SERPINB7: variants seen among roughly 807,000 people sequenced by gnomAD.
SERPINB7 encodes the protein serpin family B member 7.
In SERPINB7, 31 loss-of-function variants were observed where a neutral mutation model predicts 37.4. The ratio of observed to expected loss-of-function variants is 0.83; its 90% CI spans 0.62 to 1.12. SERPINB7 has a LOEUF of 1.12. SERPINB7 is among the 50% of genes most tolerant of loss of function. The pLI is 0.00. For synonymous variants in SERPINB7, 163 were observed against 166.1 expected, an observed-to-expected ratio of 0.98 and a Z score of 0.14; for missense variants, 521 against 455.3, an observed-to-expected ratio of 1.14 and a Z score of -1.31.
At chr18:63,759,101 G>A (rs1302598599) in intron 1 of SERPINB7, among the ~76,000 whole-genome samples, 2 of 152,108 alleles carry the variant, frequency 1.3e-5, no homozygotes, top group Non-Finnish European at 2.9e-5. Context: ...GCTATGAGTA[G>A]GCTTCATGGT....
rs1429139856 is a variant in SERPINB7, at chr18:63,804,466, C to G, written c.974C>G (p.Ser325Cys). 6.2e-7 allele frequency: 1 copy of G among 1,613,658 alleles called. No individual in the cohort carries two copies. Among genetic ancestry groups the G allele is most frequent in the Non-Finnish European group, 8.5e-7 (1 of 1,179,874 alleles). ...RLYISRMMHK[S>C]YIEVTEEGTE... ...TATATATCAAGGATGATGCACAAAT[C>G]TTACATAGAGGTCACTGAGGAGGGC... Residue 325 changes from serine to cysteine, a missense_variant, in exon 8 of 8, where the codon TCT becomes TGT. Ser to Cys is a moderately radical substitution (Grantham distance 112). Transcript: ENST00000398019.
At chr18:63,793,592 C>T (rs1373124546) in intron 4 of SERPINB7, among the ~76,000 whole-genome samples, 1 of 152,122 alleles carries the variant, frequency 6.6e-6, no homozygotes, top group African/African-American at 2.4e-5. Context: ...GCAGGAAACA[C>T]ATTCTGGGTT....
chr18:63,796,165 C>T (rs998498701), intron 4 of SERPINB7, 101 bp from the exon 5 acceptor site: 7 of 630,910 alleles, frequency 1.1e-5, no homozygotes, highest in African/African-American at 3.7e-5. Context: ...CAGAGTTGAA[C>T]CTTTGAATAA....
At chr18:63,776,571 T>C (rs572112847) in intron 1 of SERPINB7, among the ~76,000 whole-genome samples, 1 of 150,966 alleles carries the variant, frequency 6.6e-6, no homozygotes, top group African/African-American at 2.4e-5. Flanking sequence ...GAAACCTTCT[T>C]GTGTGCCTTA....
intron 1 of SERPINB7, among the ~76,000 whole-genome samples, chr18:63,758,842 C>T (rs2049136573): frequency 6.6e-6 from 1 of 152,244 alleles, no homozygotes; most frequent in Admixed American, 6.5e-5. Flanking sequence ...AGCATCCTCA[C>T]AGAGTCCAAG....
At chr18:63,780,501 G>T (rs1156434121) in intron 1 of SERPINB7, among the ~76,000 whole-genome samples, 1 of 152,006 alleles carries the variant, frequency 6.6e-6, no homozygotes, top group Non-Finnish European at 1.5e-5. Flanking sequence ...CTGCCAACTC[G>T]CATCCTGTAT....
chr18:63,793,092 A>T, intron 3 of SERPINB7, 69 bp from the exon 4 acceptor site: 2 of 771,894 alleles, frequency 2.6e-6, no homozygotes, highest in South Asian at 4.5e-5. Context: ...GTTTTGTTTT[A>T]TGTGTAAGTG....
chr18:63,785,287 C>T (rs567452195), intron 2 of SERPINB7, among the ~76,000 whole-genome samples: 14 of 152,298 alleles, frequency 9.2e-5, no homozygotes, highest in African/African-American at 2.4e-4. Context: ...AAATGAATCC[C>T]GGCTCAATTT....
At chr18:63,771,096 T>C (rs1376860423), upstream of SERPINB7, among the ~76,000 whole-genome samples, 1 of 151,914 alleles carries the variant, frequency 6.6e-6, no homozygotes, top group Non-Finnish European at 1.5e-5. Flanking sequence ...ATGGGGATAA[T>C]GTGAACATGT....
intron 1 of SERPINB7, among the ~76,000 whole-genome samples, chr18:63,755,199 C>G (rs188242851): frequency 2.0e-5 from 3 of 152,206 alleles, no homozygotes; most frequent in Middle Eastern, 3.4e-3. Flanking sequence ...CCACCGCGCC[C>G]GGCCTAAACT....
intron 7 of SERPINB7, among the ~76,000 whole-genome samples, chr18:63,803,939 T>C (rs1599025292): frequency 6.6e-6 from 1 of 152,314 alleles, no homozygotes; most frequent in Admixed American, 6.5e-5. Flanking sequence ...CCTTCACCTG[T>C]CTATTGCTCC....
At chr18:63,753,466 C>G (rs1379210263) in intron 1 of SERPINB7, among the ~76,000 whole-genome samples, 1 of 152,200 alleles carries the variant, frequency 6.6e-6, no homozygotes, top group African/African-American at 2.4e-5. Context: ...GAATAGACCC[C>G]TAAGCTTATA....
At chr18:63,761,146 T>C (rs1009301548) in intron 1 of SERPINB7, among the ~76,000 whole-genome samples, 2 of 152,334 alleles carry the variant, frequency 1.3e-5, no homozygotes, top group East Asian at 1.9e-4. Context: ...GGGGCAGAGC[T>C]GTCCAAGACC....
rs770038849 is a variant in SERPINB7 at position 63,792,386 on chromosome 18, T to C, written c.169-7T>C. ...TAATGATTGCTTTCCTTGTGCCCTG[T>C]TTACAGTTGCTTCATGTTAACACTG... On this transcript the variant is annotated splice_region_variant and splice_polypyrimidine_tract_variant and intron_variant, in intron 2 of 7. Transcript: ENST00000398019. The C allele has an allele frequency of 1.9e-6, 3 of 1,594,158 alleles. No individual in the cohort carries two copies. The highest frequency in any genetic ancestry group is 2.6e-6 in the Non-Finnish European group (3 of 1,161,966).
intron 3 of SERPINB7, among the ~76,000 whole-genome samples, chr18:63,792,886 A>G (rs1164463282): frequency 1.3e-5 from 2 of 152,196 alleles, no homozygotes; most frequent in African/African-American, 4.8e-5. Flanking sequence ...TAGACAACTT[A>G]CATTGGTAAA....
chr18:63,782,291 C>T, intron 1 of SERPINB7, 64 bp from the exon 2 acceptor site: 2 of 1,006,032 alleles, frequency 2.0e-6, no homozygotes, highest in Non-Finnish European at 2.7e-6. Context: ...ATAAATAAAT[C>T]TAAAAATATA....
At chr18:63,782,667 TC>T in intron 2 of SERPINB7, 127 bp downstream of exon 2, 1 of 842,346 alleles carries the variant, frequency 1.2e-6, no homozygotes, top group Non-Finnish European at 1.8e-6. Flanking sequence ...TTCACACATC[TC>T]CACGAGGCCC....
chr18:63,787,383 A>C (rs1414724594), intron 2 of SERPINB7, among the ~76,000 whole-genome samples: 1 of 152,202 alleles, frequency 6.6e-6, no homozygotes, highest in Non-Finnish European at 1.5e-5. Flanking sequence ...TAGGAATATC[A>C]GAAAATCAAC....
intron 1 of SERPINB7, among the ~76,000 whole-genome samples, chr18:63,762,243 A>T (rs145330222): frequency 6.8e-4 from 103 of 152,280 alleles, no homozygotes; most frequent in Middle Eastern, 6.8e-3. Context: ...TATTGACTGG[A>T]GGGGGAAAAG....
Sources: gnomAD v4.1 joint callset for allele counts (sites outside exome capture counted in the v4.1 genomes callset) on GRCh38, gnomAD v4.1.1 for gene constraint, MANE v1.5 for transcripts, NCBI Gene and HGNC (gene_info 2026-07-23, HGNC 2026-07-21) for gene names.